Variants in EEFSEC observed in about 807,000 individuals in gnomAD.
EEFSEC encodes the protein eukaryotic elongation factor, selenocysteine-tRNA specific.
Under a neutral mutation model 42.1 loss-of-function variants are expected in EEFSEC, and 43 were observed. The observed-to-expected ratio is 1.02, with a 90% CI of 0.80 to 1.32. The LOEUF (loss-of-function observed/expected upper bound fraction) is 1.32, where lower values mean the gene tolerates loss of function less well. Among genes scored for constraint, EEFSEC ranks in the 40% most tolerant of loss-of-function variants. The pLI, the probability that EEFSEC is intolerant of heterozygous loss-of-function variation, is 0.00. For missense variants in EEFSEC, 745 were observed against 803.6 expected (o/e 0.93, Z 0.88); for synonymous variants, 354 against 339.1 (o/e 1.04, Z -0.48).
At chr3:128,401,878 T>G (rs1479017378) in intron 6 of EEFSEC, among the ~76,000 whole-genome samples, 1 of 152,138 alleles carries the variant, frequency 6.6e-6, no homozygotes, top group African/African-American at 2.4e-5. Flanking sequence ...GGAGGAGTCA[T>G]GAGCATCACC....
chr3:128,301,143 G>A (rs562878074), intron 4 of EEFSEC, among the ~76,000 whole-genome samples: 2 of 152,214 alleles, frequency 1.3e-5, no homozygotes, highest in Non-Finnish European at 1.5e-5. Flanking sequence ...TATGTGCAAT[G>A]TTCCGTCCTG....
chr3:128,283,582 A>G (rs943144459), intron 4 of EEFSEC, among the ~76,000 whole-genome samples: 1 of 152,134 alleles, frequency 6.6e-6, no homozygotes, highest in Non-Finnish European at 1.5e-5. Context: ...AATGCTGCAC[A>G]AGTGCTGAGA....
chr3:128,210,364 T>G (rs2955129), intron 1 of EEFSEC, among the ~76,000 whole-genome samples: 130,597 of 152,190 alleles, frequency 0.86, 56,255 homozygotes, highest in East Asian at 0.99. Context: ...AGTCAGTATG[T>G]AGGTGTCCAG....
At chr3:128,320,911 GC>G (rs1260738713) in intron 4 of EEFSEC, among the ~76,000 whole-genome samples, 1 of 152,196 alleles carries the variant, frequency 6.6e-6, no homozygotes, top group African/African-American at 2.4e-5. Flanking sequence ...CAAACTCTGG[GC>G]CCCAGTTTGG....
intron 1 of EEFSEC, among the ~76,000 whole-genome samples, chr3:128,217,281 A>G (rs1420021735): frequency 6.6e-6 from 1 of 152,062 alleles, no homozygotes; most frequent in African/African-American, 2.4e-5. Context: ...CTGTGGTGGT[A>G]GTGGTGGGGA....
chr3:128,419,411 C>T, the EEFSEC span, among the ~76,000 whole-genome samples: 5 of 152,174 alleles, frequency 3.3e-5, no homozygotes, highest in African/African-American at 4.8e-5. Flanking sequence ...CAAAAGGATA[C>T]GTGCAGAATG....
intron 4 of EEFSEC, 123 bp from the exon 5 acceptor site, chr3:128,341,110 G>A (rs2067244884): frequency 1.6e-6 from 2 of 1,212,814 alleles, no homozygotes; most frequent in East Asian, 2.4e-5. Context: ...ACCCCCCTTG[G>A]CTGGTCCTCA....
chr3:128,357,392 A>T (rs1231755957), intron 5 of EEFSEC, among the ~76,000 whole-genome samples: 1 of 152,232 alleles, frequency 6.6e-6, no homozygotes, highest in Admixed American at 6.5e-5. Flanking sequence ...ACCCACAAAG[A>T]GACAGCAGCG....
intron 1 of EEFSEC, among the ~76,000 whole-genome samples, chr3:128,167,779 TAA>T (rs1395177413): frequency 1.3e-5 from 2 of 152,222 alleles, no homozygotes; most frequent in Non-Finnish European, 2.9e-5. Flanking sequence ...AGAACATTTT[TAA>T]AAGCTATAAC....
rs374889998 is a variant in EEFSEC at position 128,246,903 on chromosome 3, G to A, written c.384G>A (p.Ala128=). 9 of 1,614,092 alleles carry A rather than the reference G, an allele frequency of 5.6e-6. No individual in the cohort carries two copies. Among genetic ancestry groups the A allele is most frequent in the Middle Eastern group, 1.6e-4 (1 of 6,084 alleles). ...DVTKGMQTQS[A]ECLVIGQIAC... ...CCAAGGGGATGCAGACCCAGTCAGC[G>A]GAATGCCTTGTGATCGGCCAGATTG... The change falls in exon 2 of 7, where the codon GCG becomes GCA. Residue 128 remains alanine (A), a synonymous_variant. Transcript: ENST00000254730.
intron 4 of EEFSEC, among the ~76,000 whole-genome samples, chr3:128,269,252 C>G (rs1255232487): frequency 1.3e-5 from 2 of 152,262 alleles, no homozygotes; most frequent in Non-Finnish European, 2.9e-5. Flanking sequence ...TCACGGGAGC[C>G]CCAGAGGAGA....
chr3:128,279,490 C>A (rs1413686915), intron 4 of EEFSEC, among the ~76,000 whole-genome samples: 2 of 152,134 alleles, frequency 1.3e-5, no homozygotes, highest in Non-Finnish European at 2.9e-5. Context: ...AACAGGCGGC[C>A]CCCTCAGCTG....
chr3:128,380,423 AT>A (rs986067444), intron 6 of EEFSEC, among the ~76,000 whole-genome samples: 13 of 152,166 alleles, frequency 8.5e-5, no homozygotes, highest in Admixed American at 6.5e-5. Flanking sequence ...ACATCCTTCA[AT>A]CTCTCTTCAC....
chr3:128,321,851 A>T (rs752932942), intron 4 of EEFSEC, among the ~76,000 whole-genome samples: 6 of 152,184 alleles, frequency 3.9e-5, no homozygotes, highest in Non-Finnish European at 1.5e-5. Context: ...GGTGAGGCTG[A>T]CCTGAGGAGC....
chr3:128,417,788 C>T, the EEFSEC span, among the ~76,000 whole-genome samples: 3 of 152,132 alleles, frequency 2.0e-5, no homozygotes, highest in East Asian at 5.8e-4. The surrounding 1 kb of genome is among the most constrained non-coding windows in gnomAD (Gnocchi z 4.3). Flanking sequence ...TCCTGGCCTG[C>T]AGACCACGGT....
chr3:128,408,385 C>T lies in EEFSEC; in HGVS notation c.*126C>T. The T allele has an allele frequency of 9.2e-7, 1 of 1,087,940 alleles. No individual in the cohort carries two copies. Among genetic ancestry groups the T allele is most frequent in the Non-Finnish European group, 1.3e-6 (1 of 773,396 alleles). 67.4% of individuals were successfully genotyped at this position (1,087,940 alleles called of 1,614,324 possible). On this transcript the variant is annotated 3_prime_UTR_variant, in exon 7 of 7. Coordinates refer to ENST00000254730, the MANE Select transcript of EEFSEC (RefSeq NM_021937.5). Reference sequence around the variant, plus strand: ...GCAGTCCTGCAGCAGCAGCCCCCACCCCCAAGCTTGGTGCTGAGCCCTGGT... The same window carrying T: ...GCAGTCCTGCAGCAGCAGCCCCCACTCCCAAGCTTGGTGCTGAGCCCTGGT...
intron 6 of EEFSEC, among the ~76,000 whole-genome samples, chr3:128,403,691 C>T (rs1452771326): frequency 2.3e-5 from 3 of 128,362 alleles, no homozygotes; most frequent in South Asian, 2.6e-4. Context: ...CAGCGCCTCT[C>T]GCATACCCTA....
intron 1 of EEFSEC, among the ~76,000 whole-genome samples, chr3:128,208,167 G>T: frequency 6.6e-6 from 1 of 152,192 alleles, no homozygotes; most frequent in East Asian, 1.9e-4. Flanking sequence ...ATAGTGTGGG[G>T]CTGCCTCAAG....
At chr3:128,203,615 G>A (rs2065664434) in intron 1 of EEFSEC, among the ~76,000 whole-genome samples, 1 of 152,240 alleles carries the variant, frequency 6.6e-6, no homozygotes, top group South Asian at 2.1e-4. Context: ...GGGCAGAAAC[G>A]AGGCTGGAGC....
Sources: gnomAD v4.1 joint callset for allele counts (sites outside exome capture counted in the v4.1 genomes callset) on GRCh38, gnomAD v4.1.1 for gene constraint, Gnocchi (gnomAD v3.1) non-coding constraint, MANE v1.5 for transcripts, NCBI Gene and HGNC (gene_info 2026-07-23, HGNC 2026-07-21) for gene names.